Variants in TMEM178B observed in about 807,000 individuals in gnomAD.
TMEM178B encodes transmembrane protein 178B.
TMEM178B carries 5 observed loss-of-function variants against 31.0 expected under a neutral mutation model. The observed-to-expected ratio is 0.16, with a 90% CI of 0.08 to 0.34. TMEM178B has a LOEUF of 0.34. Among genes scored for constraint, TMEM178B ranks in the 10% least tolerant of loss-of-function variants. The pLI is 1.00. For synonymous variants in TMEM178B, 164 were observed against 164.0 expected, an observed-to-expected ratio of 1.00 and a Z score of 0.00; for missense variants, 275 against 400.3, an observed-to-expected ratio of 0.69 and a Z score of 2.67.
At position 141,106,931 on chromosome 7, in the gene TMEM178B, A is replaced by G. The variant is rs1795156890; in HGVS notation, c.382+32239A>G. On this transcript the variant is annotated intron_variant, in intron 1 of 3. Coordinates refer to ENST00000565468, the MANE Select transcript of TMEM178B (RefSeq NM_001195278.2). ...CTAGTATTCCAATGGGGAGACAACAATTGGAGGCTGATGAATGTTTTGGGA... is the reference window on the plus strand; with the variant it reads ...CTAGTATTCCAATGGGGAGACAACAGTTGGAGGCTGATGAATGTTTTGGGA... Among the ~76,000 whole-genome samples the G allele has an allele frequency of 2.6e-5, 4 of 152,186 alleles. No individual in the cohort carries two copies. The South Asian group carries it at 8.3e-4, about 32-fold the overall frequency.
intron 2 of TMEM178B, among the ~76,000 whole-genome samples, chr7:141,335,805 G>A (rs558365238): frequency 6.6e-6 from 1 of 152,114 alleles, no homozygotes; most frequent in African/African-American, 2.4e-5. Context: ...CTGGGGAGAT[G>A]GTGTGTGTGT....
At chr7:141,217,155 A>G (rs1343958503) in intron 2 of TMEM178B, among the ~76,000 whole-genome samples, 1 of 152,190 alleles carries the variant, frequency 6.6e-6, no homozygotes, top group African/African-American at 2.4e-5. Context: ...TTCATATCCC[A>G]CAGTCTATGG....
At chr7:141,172,219 C>T (rs1387529999) in intron 1 of TMEM178B, among the ~76,000 whole-genome samples, 1 of 152,142 alleles carries the variant, frequency 6.6e-6, no homozygotes, top group Non-Finnish European at 1.5e-5. Flanking sequence ...TTCATTCATT[C>T]ATTCACAAAT....
At chr7:141,362,856 A>G (rs968121312) in intron 2 of TMEM178B, among the ~76,000 whole-genome samples, 1 of 152,238 alleles carries the variant, frequency 6.6e-6, no homozygotes, top group African/African-American at 2.4e-5. Flanking sequence ...CTGGAGCGAC[A>G]GAGACACTCA....
the TMEM178B span, among the ~76,000 whole-genome samples, chr7:141,503,279 A>G: frequency 2.6e-5 from 4 of 152,348 alleles, no homozygotes; most frequent in East Asian, 3.9e-4. Context: ...TAGTGCTATT[A>G]CTATTGTCAT....
intron 1 of TMEM178B, among the ~76,000 whole-genome samples, chr7:141,181,291 T>A (rs1796526376): frequency 6.6e-6 from 1 of 152,214 alleles, no homozygotes. Context: ...TTCTTGACAC[T>A]TTTGCTAAAA....
intron 2 of TMEM178B, among the ~76,000 whole-genome samples, chr7:141,242,541 C>CTT (rs58320290): frequency 4.0e-4 from 37 of 91,600 alleles, no homozygotes; most frequent in South Asian, 1.1e-3. Flanking sequence ...GATTCTTTTC[C>CTT]TTTTTTTTTT....
intron 2 of TMEM178B, among the ~76,000 whole-genome samples, chr7:141,244,641 TGAC>T (rs1797695850): frequency 6.6e-6 from 1 of 152,198 alleles, no homozygotes; most frequent in Non-Finnish European, 1.5e-5. Flanking sequence ...TCTGTGATGA[TGAC>T]AGGTCCGGCT....
At chr7:141,326,490 TG>T (rs1314309831) in intron 2 of TMEM178B, among the ~76,000 whole-genome samples, 5 of 152,198 alleles carry the variant, frequency 3.3e-5, no homozygotes, top group African/African-American at 4.8e-5. Flanking sequence ...TTGCTTGTAG[TG>T]CCTATGGGTA....
intron 2 of TMEM178B, among the ~76,000 whole-genome samples, chr7:141,417,780 T>A (rs928330653): frequency 6.6e-6 from 1 of 152,224 alleles, no homozygotes; most frequent in African/African-American, 2.4e-5. Context: ...AGCACTTACA[T>A]AGCAGTTACT....
At chr7:141,495,956 C>T in the TMEM178B span, among the ~76,000 whole-genome samples, 1 of 152,200 alleles carries the variant, frequency 6.6e-6, no homozygotes, top group Non-Finnish European at 1.5e-5. Context: ...TCCACAAAGA[C>T]TGTGTTCCTA....
At chr7:141,148,246 T>G (rs1795887591) in intron 1 of TMEM178B, among the ~76,000 whole-genome samples, 1 of 152,170 alleles carries the variant, frequency 6.6e-6, no homozygotes, top group Non-Finnish European at 1.5e-5. Flanking sequence ...CAAGGACCTT[T>G]GAGATTACAT....
At chr7:141,368,489 C>T (rs186149411) in intron 2 of TMEM178B, among the ~76,000 whole-genome samples, 4 of 152,288 alleles carry the variant, frequency 2.6e-5, no homozygotes, top group Admixed American at 2.6e-4. Flanking sequence ...TGCCTATATA[C>T]TTGGGATTCC....
At chr7:141,285,933 G>A (rs1798441172) in intron 2 of TMEM178B, among the ~76,000 whole-genome samples, 1 of 152,060 alleles carries the variant, frequency 6.6e-6, no homozygotes, top group African/African-American at 2.4e-5. Context: ...CACACTCCAG[G>A]GCCTGTCAGA....
intron 2 of TMEM178B, among the ~76,000 whole-genome samples, chr7:141,357,715 A>G (rs1268527567): frequency 6.6e-6 from 1 of 152,252 alleles, no homozygotes; most frequent in Non-Finnish European, 1.5e-5. Context: ...ATCTGCCATC[A>G]GCCCTTGTTA....
At position 141,215,826 on chromosome 7, in the gene TMEM178B, CTTTCTTTCTTT is replaced by C. The variant is rs1386882302; in HGVS notation, c.496+3123_496+3133del. ...TCTTTCTTTCTTTCTTTCTTTCTTT[CTTTCTTTCTTT>C]CTTTTCTTTTCTTTTCTTTCTCTTT... On this transcript the variant is annotated intron_variant, in intron 2 of 3. Transcript: ENST00000565468. 2.1e-4 allele frequency among the ~76,000 whole-genome samples: 11 copies of C among 51,792 alleles called. 1 individual carries two copies. Among genetic ancestry groups the C allele is most frequent in the African/African-American group, 5.5e-4 (11 of 20,174 alleles). 34.0% of individuals were successfully genotyped at this position (51,792 alleles called of 152,430 possible).
At position 141,401,535 on chromosome 7, in the gene TMEM178B, C is replaced by G. The variant is rs545046339; in HGVS notation, c.497-36073C>G. On this transcript the variant is annotated intron_variant, in intron 2 of 3. Coordinates refer to ENST00000565468, the MANE Select transcript of TMEM178B (RefSeq NM_001195278.2). ...GACTCAACTGATCCTCCTGCCTCAG[C>G]CTCCCAAGTAGCTGGGACTACGGGT... Among the ~76,000 whole-genome samples the G allele has an allele frequency of 3.2e-4, 48 of 152,324 alleles. No individual in the cohort carries two copies. In the South Asian group the frequency reaches 6.4e-3, roughly 20 times the overall value.
intron 1 of TMEM178B, among the ~76,000 whole-genome samples, chr7:141,203,809 C>T (rs1357416022): frequency 1.3e-5 from 2 of 152,074 alleles, no homozygotes; most frequent in Non-Finnish European, 2.9e-5. Flanking sequence ...GAGCCTCTGG[C>T]ATGTGGTCGG....
At chr7:141,267,437 A>G (rs949622257) in intron 2 of TMEM178B, among the ~76,000 whole-genome samples, 2 of 152,218 alleles carry the variant, frequency 1.3e-5, no homozygotes, top group Non-Finnish European at 1.5e-5. Flanking sequence ...TTGGTAACGG[A>G]GAAGATATTG....
Sources: allele counts gnomAD v4.1 joint callset (sites outside exome capture counted in the v4.1 genomes callset), GRCh38; gene constraint gnomAD v4.1.1; transcripts MANE v1.5; gene names NCBI Gene and HGNC (gene_info 2026-07-23, HGNC 2026-07-21).